Variants in LTA4H observed in about 807,000 individuals in gnomAD.
LTA4H encodes the protein leukotriene A-4 hydrolase.
A neutral mutation model predicts 89.8 loss-of-function variants in LTA4H; 59 were observed. That is an observed-to-expected ratio of 0.66 (90% CI 0.53 to 0.82). The LOEUF is 0.82. Among genes scored for constraint, LTA4H ranks in the 40% least tolerant of loss-of-function variants. The pLI, the probability that LTA4H is intolerant of heterozygous loss-of-function variation, is 0.00. For missense variants in LTA4H, 617 were observed against 727.0 expected, an observed-to-expected ratio of 0.85 and a Z score of 1.74; for synonymous variants, 227 against 253.1, an observed-to-expected ratio of 0.90 and a Z score of 0.98.
chr12:96,007,512 G>T (rs1218791892), intron 15 of LTA4H, among the ~76,000 whole-genome samples: 1 of 151,960 alleles, frequency 6.6e-6, no homozygotes, highest in Non-Finnish European at 1.5e-5. Flanking sequence ...GCTAGTGGTG[G>T]GTCACACAAT....
intron 4 of LTA4H, among the ~76,000 whole-genome samples, chr12:96,023,568 T>C (rs1184154820): frequency 2.0e-5 from 3 of 152,120 alleles, no homozygotes; most frequent in Non-Finnish European, 2.9e-5. Flanking sequence ...CACTGCACTA[T>C]CCTAGATGTA....
Position 96,021,128 on chromosome 12 carries a change from G to A in LTA4H, c.595C>T (p.Pro199Ser). 3 of 1,595,552 alleles carry A rather than the reference G, an allele frequency of 1.9e-6. No homozygotes were observed. The highest frequency in any genetic ancestry group is 2.6e-6 in the Non-Finnish European group (3 of 1,174,758). ...IYKFIQKVPI[P>S]CYLIALVVGA... ...ACAACTAAAGCAATCAGGTAGCAGG[G>A]TATTGGAACCTAAAGAGGGCAAACA... The change falls in exon 6 of 19, where the codon CCC becomes TCC. Residue 199 changes from proline to serine, a missense_variant. Transcript: ENST00000228740.
rs550262211 is a variant in LTA4H, at chr12:96,028,242, C to T, written c.291-678G>A. 1.0e-3 allele frequency among the ~76,000 whole-genome samples: 156 copies of T among 152,226 alleles called. 1 individual carries two copies. Among genetic ancestry groups the T allele is most frequent in the Middle Eastern group, 3.4e-3 (1 of 292 alleles). ...AGAGACCAGCAGCCCTGCTGGTGTT[C>T]GAATCCTGACTCTATCACTTACTGG... On this transcript the variant is annotated intron_variant, in intron 2 of 18. Transcript: ENST00000228740.
In LTA4H at chr12:96,027,507, G is replaced by GA. The variant is rs777500749; in HGVS notation, c.347dup (p.Gln117ProfsTer6). Reference sequence around the variant, plus strand: ...AAGTCTGTTCAGGAGTGAGCCACTGGAGAGCAGAAGATTTTGGAGAGGTCT... The same window carrying GA: ...AAGTCTGTTCAGGAGTGAGCCACTGGAAGAGCAGAAGATTTTGGAGAGGTCT... On this transcript the variant is annotated frameshift_variant, in exon 3 of 19. Transcript: ENST00000228740. LOFTEE classifies it high-confidence loss of function. 1 of 1,611,064 alleles carries GA rather than the reference G, an allele frequency of 6.2e-7. No individual in the cohort carries two copies. The highest frequency in any genetic ancestry group is 1.7e-5 in the Admixed American group (1 of 59,866).
intron 14 of LTA4H, 141 bp from the exon 15 acceptor site, chr12:96,009,289 T>C (rs1373700232): frequency 4.8e-6 from 3 of 620,212 alleles, no homozygotes; most frequent in Non-Finnish European, 8.5e-6. Context: ...ATAGGAAATA[T>C]TTTACCTAAC....
intron 1 of LTA4H, among the ~76,000 whole-genome samples, chr12:96,032,336 C>T (rs1592899201): frequency 6.6e-6 from 1 of 152,228 alleles, no homozygotes; most frequent in African/African-American, 2.4e-5. Context: ...CCTGATTCCG[C>T]ACTGGCACTG....
Position 96,022,236 on chromosome 12 carries a change from C to G in LTA4H, c.496G>C (p.Glu166Gln). Residue 166 changes from glutamate (E) to glutamine (Q), a missense_variant, in exon 5 of 19, where the codon GAA becomes CAA. Physicochemically the swap from Glu to Gln is conservative, Grantham distance 29. This residue lies in a region of LTA4H where 172 missense variants were observed against 244.5 expected (regional missense o/e 0.70). Transcript: ENST00000228740. The surrounding 1 kb of genome is among the most constrained non-coding windows in gnomAD (Gnocchi z 4.0). The part of the protein sequence containing the change: ...TYTAEVSVPK[E>Q]LVALMSAIRD... ...ATAGCACTCATAAGTGCCACCAGTT[C>G]TTTAGGGACAGACACCTAATCAAGG... 1 of 1,611,432 alleles carries G rather than the reference C, an allele frequency of 6.2e-7. No individual in the cohort carries two copies. Among genetic ancestry groups the G allele is most frequent in the South Asian group, 1.1e-5 (1 of 90,990 alleles).
chr12:96,035,712 T>C, upstream of LTA4H: 1 of 1,363,762 alleles, frequency 7.3e-7, no homozygotes, highest in Non-Finnish European at 9.5e-7. Flanking sequence ...AGTTCCATGG[T>C]GCCGCGCGGC....
In LTA4H at chr12:96,019,182, A is replaced by G. The variant is rs1487336647; in HGVS notation, c.697T>C (p.Tyr233His). Reference sequence around the variant, plus strand: ...AAATGACCAACCTCAGAAAACTCATAAGCAGACTTTTCCACCTGCTCTTTC... The same window carrying G: ...AAATGACCAACCTCAGAAAACTCATGAGCAGACTTTTCCACCTGCTCTTTC... ...SEKEQVEKSAYEFSETESMLK... is the reference protein window; with the variant it reads ...SEKEQVEKSAHEFSETESMLK... Residue 233 changes from tyrosine (Y) to histidine (H), a missense_variant, in exon 7 of 19, where the codon TAT becomes CAT. Physicochemically the swap from Tyr to His is moderately conservative, Grantham distance 83. This residue lies in a region of LTA4H where 172 missense variants were observed against 244.5 expected (regional missense o/e 0.70). Transcript: ENST00000228740. The G allele has an allele frequency of 1.9e-6, 3 of 1,612,794 alleles. No homozygotes were observed. Among genetic ancestry groups the G allele is most frequent in the Non-Finnish European group, 2.5e-6 (3 of 1,179,582 alleles).
chr12:96,015,829 C>T (rs1370974164), intron 10 of LTA4H, 135 bp from the exon 11 acceptor site: 3 of 623,340 alleles, frequency 4.8e-6, no homozygotes, highest in Non-Finnish European at 8.4e-6. Context: ...TAAGCCGACT[C>T]TGGCTCCCAG....
Position 96,022,098 on chromosome 12 carries a change from C to T in LTA4H, c.585+49G>A. The T allele has an allele frequency of 8.2e-7, 1 of 1,217,806 alleles. No homozygotes were observed. Among genetic ancestry groups the T allele is most frequent in the Non-Finnish European group, 1.2e-6 (1 of 823,756 alleles). 75.4% of individuals were successfully genotyped at this position (1,217,806 alleles called of 1,614,324 possible). The stretch of plus-strand genomic sequence containing the variant: ...TGCCCTCTGGATGTGTACAAGCTAA[C>T]TGTAGTTTACCGCCAATGAAAACAA... On this transcript the variant is annotated intron_variant, in intron 5 of 18. Transcript: ENST00000228740. The surrounding 1 kb of genome is among the most constrained non-coding windows in gnomAD (Gnocchi z 4.0).
upstream of LTA4H, among the ~76,000 whole-genome samples, chr12:96,036,063 G>GT (rs1157402033): frequency 6.6e-6 from 1 of 152,204 alleles, no homozygotes; most frequent in African/African-American, 2.4e-5. Flanking sequence ...TGTCACGCGG[G>GT]AGACCGGGGT....
chr12:96,014,768 T>G lies in LTA4H; in HGVS notation c.1204+87A>C, dbSNP rs974843633. On this transcript the variant is annotated intron_variant, in intron 12 of 18. Transcript: ENST00000228740. ...TCCAGAATGAATTGGAAGTATTAAA[T>G]GGAACAAAACAATAGTTTACAATTC... 4.7e-6 allele frequency: 6 copies of G among 1,272,628 alleles called. No individual in the cohort carries two copies. The South Asian group carries it at 8.9e-5, about 19-fold the overall frequency. The allele number at this position is 1,272,628 out of a possible 1,614,324, so 78.8% of individuals were successfully genotyped here.
upstream of LTA4H, among the ~76,000 whole-genome samples, chr12:96,037,445 C>G (rs1950657793): frequency 6.6e-6 from 1 of 152,088 alleles, no homozygotes; most frequent in African/African-American, 2.4e-5. Flanking sequence ...ACCAACAATG[C>G]CAGATGCAGT....
Position 96,000,939 on chromosome 12 carries a change from G to A in LTA4H, c.*50C>T, listed in dbSNP as rs568150964. The A allele has an allele frequency of 2.2e-5, 27 of 1,245,794 alleles. No individual in the cohort carries two copies. The highest frequency in any genetic ancestry group is 1.9e-4 in the Middle Eastern group (1 of 5,308). 77.2% of individuals were successfully genotyped at this position (1,245,794 alleles called of 1,614,324 possible). A position where few individuals can be genotyped will look rare whatever the true frequency, so the allele number is the denominator to read the frequency against. On this transcript the variant is annotated 3_prime_UTR_variant, in exon 19 of 19. Transcript: ENST00000228740. ...GAGCTGAAGTTTTATATTTCTTTAC[G>A]AATTCCATTTAAAAAAGAGAAATCT... is the stretch of plus-strand genomic sequence containing the variant.
At chr12:96,010,789 A>C (rs1406904166) in intron 14 of LTA4H, 1 of 152,194 alleles carries the variant, frequency 6.6e-6, no homozygotes, top group Non-Finnish European at 1.5e-5. Flanking sequence ...AACAGATACA[A>C]GTGCACAGTT....
At chr12:96,032,029 A>C (rs935282918) in intron 1 of LTA4H, among the ~76,000 whole-genome samples, 4 of 152,276 alleles carry the variant, frequency 2.6e-5, no homozygotes, top group African/African-American at 7.2e-5. Flanking sequence ...TAGTGAAAAC[A>C]AGATGGTTTG....
At chr12:96,025,947 C>G (rs1260446261) in intron 3 of LTA4H, among the ~76,000 whole-genome samples, 1 of 152,114 alleles carries the variant, frequency 6.6e-6, no homozygotes, top group Admixed American at 6.5e-5. Flanking sequence ...CTACTAAACT[C>G]AAAGGAATTC....
chr12:96,006,401 T>C lies in LTA4H; in HGVS notation c.1443A>G (p.Glu481=). The part of the protein sequence containing the change: ...ALSQRWITAK[E]DDLNSFNATD... ...TGGCATTGAATGAATTTAAATCATC[T>C]TCTTTGGCCTGAAATAAATGTTACC... is the stretch of plus-strand genomic sequence containing the variant. The change falls in exon 16 of 19, where the codon GAA becomes GAG. Residue 481 remains glutamate, a synonymous_variant. Transcript: ENST00000228740. 1 of 1,599,572 alleles carries C rather than the reference T, an allele frequency of 6.3e-7. No individual in the cohort carries two copies. Among genetic ancestry groups the C allele is most frequent in the East Asian group, 2.2e-5 (1 of 44,690 alleles).
Sources: allele counts gnomAD v4.1 joint callset (sites outside exome capture counted in the v4.1 genomes callset), GRCh38; gene constraint gnomAD v4.1.1; regional missense constraint gnomAD v4.1.1; non-coding constraint Gnocchi (gnomAD v3.1); transcripts MANE v1.5; gene names NCBI Gene and HGNC (gene_info 2026-07-23, HGNC 2026-07-21).